ADAMTS19: variants seen among roughly 807,000 people sequenced by gnomAD.
The protein encoded by ADAMTS19 is A disintegrin and metalloproteinase with thrombospondin motifs 19.
ADAMTS19 carries 93 observed loss-of-function variants against 153.3 expected under a neutral mutation model. The observed-to-expected ratio is 0.61, with a 90% CI of 0.51 to 0.72. The LOEUF (loss-of-function observed/expected upper bound fraction) is 0.72. Ranked by LOEUF, ADAMTS19 falls within the 30% of genes least tolerant of loss-of-function variation. The pLI, the probability that ADAMTS19 is intolerant of heterozygous loss-of-function variation, is 0.00. For synonymous variants in ADAMTS19, 600 were observed against 556.6 expected (o/e 1.08, Z -1.10); for missense variants, 1,482 against 1,552.1 (o/e 0.95, Z 0.76).
intron 12 of ADAMTS19, among the ~76,000 whole-genome samples, chr5:129,648,269 G>A (rs1445004783): frequency 2.0e-5 from 3 of 152,116 alleles, no homozygotes; most frequent in Admixed American, 1.3e-4. Context: ...TAAGACTAAC[G>A]AAAAACAGAA....
chr5:129,467,176 T>C (rs956440184), intron 2 of ADAMTS19, among the ~76,000 whole-genome samples: 3 of 152,218 alleles, frequency 2.0e-5, no homozygotes, highest in Non-Finnish European at 2.9e-5. Context: ...GAAATGGTTG[T>C]ATGCTGTAAG....
chr5:129,507,814 T>G (rs73242267), intron 2 of ADAMTS19, among the ~76,000 whole-genome samples: 9,565 of 151,640 alleles, frequency 0.063, 431 homozygotes, highest in African/African-American at 0.14. Context: ...GTGATAAAAT[T>G]GCTTATTCTC....
At chr5:129,726,929 A>C (rs918627466) in intron 21 of ADAMTS19, among the ~76,000 whole-genome samples, 5 of 152,008 alleles carry the variant, frequency 3.3e-5, no homozygotes, top group Admixed American at 2.0e-4. Flanking sequence ...TCCCCCATTA[A>C]GATGTAAGCT....
At chr5:129,695,065 T>C (rs922140630) in intron 19 of ADAMTS19, among the ~76,000 whole-genome samples, 1 of 152,206 alleles carries the variant, frequency 6.6e-6, no homozygotes, top group Non-Finnish European at 1.5e-5. Flanking sequence ...TTGGGAGGGA[T>C]GGTTGCTGAG....
intron 16 of ADAMTS19, among the ~76,000 whole-genome samples, chr5:129,673,290 G>A (rs1754395202): frequency 6.6e-6 from 1 of 151,706 alleles, no homozygotes; most frequent in African/African-American, 2.4e-5. Flanking sequence ...TTTCTTCTTT[G>A]CTAATGTGAC....
rs558786498 is a variant in ADAMTS19 at position 129,657,502 on chromosome 5, T to C, written c.2305-1115T>C. The stretch of plus-strand genomic sequence containing the variant: ...CATACTAAATCCTGCCCTTTGAGTA[T>C]GTACAGCTTTGCCTCATCAATGGGA... On this transcript the variant is annotated intron_variant, in intron 14 of 22. Transcript: ENST00000274487. 6.6e-5 allele frequency among the ~76,000 whole-genome samples: 10 copies of C among 152,356 alleles called. No homozygotes were observed. In the South Asian group the frequency reaches 1.0e-3, roughly 16 times the overall value.
chr5:129,655,192 TC>T (rs1753491789), intron 14 of ADAMTS19, among the ~76,000 whole-genome samples: 2 of 152,302 alleles, frequency 1.3e-5, no homozygotes, highest in African/African-American at 4.8e-5. Context: ...GAAATCAGGT[TC>T]TGGTGCAGTC....
In ADAMTS19 at chr5:129,701,593, G is replaced by T; in HGVS notation, c.3159+1G>T. On this transcript the variant is annotated splice_donor_variant, in intron 20 of 22. Coordinates refer to ENST00000274487, the MANE Select transcript of ADAMTS19 (RefSeq NM_133638.6). LOFTEE classifies it high-confidence loss of function. ...GTGGGAGGCGGGAGTGTGGTCTGAG[G>T]TGCATACATGCCCCCTTTCTTTCCC... 24 of 1,613,936 alleles carry T rather than the reference G, an allele frequency of 1.5e-5. No homozygotes were observed. The highest frequency in any genetic ancestry group is 1.9e-5 in the Non-Finnish European group (23 of 1,179,886).
At chr5:129,494,805 A>T (rs947200602) in intron 2 of ADAMTS19, among the ~76,000 whole-genome samples, 1 of 152,106 alleles carries the variant, frequency 6.6e-6, no homozygotes, top group African/African-American at 2.4e-5. Context: ...TTCAAATTAC[A>T]CATCCAAACA....
In ADAMTS19 at chr5:129,737,243, A is replaced by C; in HGVS notation, c.*25A>C. ...ACCTCTAGCAGGCTGGCTGGATCAC[A>C]GCTCTTGGCAATTACATTATTTATA... On this transcript the variant is annotated 3_prime_UTR_variant, in exon 23 of 23. Transcript: ENST00000274487. The C allele has an allele frequency of 6.4e-7, 1 of 1,560,636 alleles. No homozygotes were observed. Among genetic ancestry groups the C allele is most frequent in the Non-Finnish European group, 8.7e-7 (1 of 1,144,526 alleles).
chr5:129,519,199 G>A (rs775509269), intron 3 of ADAMTS19, among the ~76,000 whole-genome samples: 15 of 152,078 alleles, frequency 9.9e-5, no homozygotes, highest in Non-Finnish European at 2.1e-4. Context: ...GGCAAATACT[G>A]CCAGGACTGG....
intron 2 of ADAMTS19, among the ~76,000 whole-genome samples, chr5:129,478,487 C>A (rs1180254274): frequency 6.6e-6 from 1 of 152,124 alleles, no homozygotes; most frequent in East Asian, 1.9e-4. Flanking sequence ...GGGAAAAGTA[C>A]CACATTCTCC....
chr5:129,555,089 G>T (rs1753269156), intron 7 of ADAMTS19, among the ~76,000 whole-genome samples: 1 of 151,934 alleles, frequency 6.6e-6, no homozygotes, highest in Admixed American at 6.6e-5. Context: ...CCGATGTGAA[G>T]TCAGCCATTT....
At chr5:129,650,888 A>G (rs1362478057) in intron 13 of ADAMTS19, among the ~76,000 whole-genome samples, 1 of 152,068 alleles carries the variant, frequency 6.6e-6, no homozygotes, top group Non-Finnish European at 1.5e-5. Context: ...TTTCCCTTCA[A>G]TCTGGATTCC....
intron 16 of ADAMTS19, among the ~76,000 whole-genome samples, chr5:129,667,110 G>C (rs1754087365): frequency 6.6e-6 from 1 of 152,056 alleles, no homozygotes; most frequent in Admixed American, 6.6e-5. Context: ...CCTCCATGTT[G>C]ACAAATCCAA....
chr5:129,592,016 G>A (rs1317668482), intron 7 of ADAMTS19, among the ~76,000 whole-genome samples: 2 of 152,004 alleles, frequency 1.3e-5, no homozygotes, highest in African/African-American at 2.4e-5. Flanking sequence ...TCTTGTACAT[G>A]ACTCATTTTT....
chr5:129,702,018 C>A (rs1020474312), intron 20 of ADAMTS19, among the ~76,000 whole-genome samples: 2 of 152,046 alleles, frequency 1.3e-5, no homozygotes, highest in African/African-American at 4.8e-5. Flanking sequence ...TATTTAATCA[C>A]CTGTGCAGGA....
intron 2 of ADAMTS19, among the ~76,000 whole-genome samples, chr5:129,462,489 C>G (rs958656595): frequency 3.9e-5 from 6 of 151,974 alleles, no homozygotes; most frequent in African/African-American, 1.5e-4. Context: ...GTTAAAAGGC[C>G]TGTTGGGATG....
chr5:129,582,154 T>C (rs1749546637), intron 7 of ADAMTS19, among the ~76,000 whole-genome samples: 1 of 149,934 alleles, frequency 6.7e-6, no homozygotes, highest in African/African-American at 2.5e-5. Context: ...TGAATATCCT[T>C]GTTAATTTTC....
Sources: allele counts gnomAD v4.1 joint callset (sites outside exome capture counted in the v4.1 genomes callset), GRCh38; gene constraint gnomAD v4.1.1; transcripts MANE v1.5; gene names NCBI Gene and HGNC (gene_info 2026-07-23, HGNC 2026-07-21).